Variants in EIF2A observed in about 807,000 individuals in gnomAD.
The protein encoded by EIF2A is eukaryotic translation initiation factor 2A.
In EIF2A, 62 loss-of-function variants were observed where a neutral mutation model predicts 75.2. The ratio of observed to expected loss-of-function variants is 0.82; its 90% CI spans 0.67 to 1.02. The LOEUF is 1.02. EIF2A is among the 50% of genes least tolerant of loss of function. The pLI, the probability that EIF2A is intolerant of heterozygous loss-of-function variation, is 0.00. For synonymous variants in EIF2A, 207 were observed against 239.0 expected (o/e 0.87, Z 1.23); for missense variants, 611 against 677.7 (o/e 0.90, Z 1.09).
chr3:150,548,681 A>G (rs775553858), intron 1 of EIF2A, among the ~76,000 whole-genome samples: 245 of 152,246 alleles, frequency 1.6e-3, no homozygotes, highest in Non-Finnish European at 2.9e-3. Context: ...TGTTTAGACT[A>G]TCCTTTTAAA....
rs562721762 is a variant in EIF2A, at chr3:150,567,784, T to C, written c.549+18T>C. 1.9e-6 allele frequency: 3 copies of C among 1,570,938 alleles called. No homozygotes were observed. In the East Asian group the frequency reaches 6.9e-5, roughly 36 times the overall value. On this transcript the variant is annotated intron_variant, in intron 7 of 13. Coordinates refer to ENST00000460851, the MANE Select transcript of EIF2A (RefSeq NM_032025.5). The stretch of plus-strand genomic sequence containing the variant: ...CATACAAGGTAATTGCTGTTTTTGT[T>C]TATGTGTAATATTATGTGTTTAAAC...
intron 6 of EIF2A, chr3:150,566,917 G>A (rs1433939413): frequency 1.3e-5 from 2 of 152,178 alleles, no homozygotes; most frequent in Non-Finnish European, 2.9e-5. Context: ...TGGCATGTAG[G>A]CTGATTTTGA....
chr3:150,559,819 A>C (rs1723755950), intron 3 of EIF2A, among the ~76,000 whole-genome samples: 1 of 152,122 alleles, frequency 6.6e-6, no homozygotes, highest in Non-Finnish European at 1.5e-5. Flanking sequence ...TCAAATCATT[A>C]ATAATATAAT....
intron 11 of EIF2A, among the ~76,000 whole-genome samples, chr3:150,579,585 T>C (rs1470036412): frequency 6.6e-6 from 1 of 151,816 alleles, no homozygotes; most frequent in Non-Finnish European, 1.5e-5. Flanking sequence ...AGCAGGTGCC[T>C]GTAACTGTAA....
At position 150,572,165 on chromosome 3, in the gene EIF2A, A is replaced by G. The variant is rs1244450729; in HGVS notation, c.1019A>G (p.Gln340Arg). The G allele has an allele frequency of 6.2e-7, 1 of 1,614,006 alleles. No individual in the cohort carries two copies. The highest frequency in any genetic ancestry group is 2.2e-5 in the East Asian group (1 of 44,888). The part of the protein sequence containing the change: ...VLAGFGNLRG[Q>R]MEVWDVKNYK... The stretch of plus-strand genomic sequence containing the variant: ...GCTGGATTTGGAAATCTGAGGGGAC[A>G]AATGGAAGTGTGGGATGTGAAAAAC... Residue 340 changes from glutamine to arginine, a missense_variant, in exon 10 of 14, where the codon CAA becomes CGA. Transcript: ENST00000460851.
In EIF2A at chr3:150,552,396, A is replaced by G. The variant is rs1177117190; in HGVS notation, c.69A>G (p.Pro23=). ...GACTGTACATGGTGAATGGACCACC[A>G]CATTTTACAGAAAGCACAGTGTTTC... ...SEGLYMVNGP[P]HFTESTVFPR... is the part of the protein sequence containing the mutation. The change falls in exon 2 of 14, where the codon CCA becomes CCG. Residue 23 remains proline (P), a synonymous_variant. Transcript: ENST00000460851. The G allele has an allele frequency of 1.0e-5, 16 of 1,553,468 alleles. No individual in the cohort carries two copies. Among genetic ancestry groups the G allele is most frequent in the Non-Finnish European group, 1.3e-5 (15 of 1,147,610 alleles).
intron 11 of EIF2A, among the ~76,000 whole-genome samples, chr3:150,580,774 C>A (rs191404027): frequency 6.6e-6 from 1 of 152,170 alleles, no homozygotes; most frequent in African/African-American, 2.4e-5. Context: ...TTAAACACAA[C>A]TACTGTTGAT....
chr3:150,572,780 C>T lies in EIF2A; in HGVS notation c.1383+251C>T, dbSNP rs772985727. Among the ~76,000 whole-genome samples, 77 of 145,476 alleles carry T rather than the reference C, an allele frequency of 5.3e-4. 1 individual carries two copies. The highest frequency in any genetic ancestry group is 1.1e-3 in the Admixed American group (15 of 14,000). Reference sequence around the variant, plus strand: ...CTGAGGCAGGAGACTCACTTGAACCCGGGAGGTGGAGGTTGCAGTGAGCCG... The same window carrying T: ...CTGAGGCAGGAGACTCACTTGAACCTGGGAGGTGGAGGTTGCAGTGAGCCG... On this transcript the variant is annotated intron_variant, in intron 10 of 13. Coordinates refer to ENST00000460851, the MANE Select transcript of EIF2A (RefSeq NM_032025.5).
At chr3:150,547,735 A>G (rs1273721746) in intron 1 of EIF2A, among the ~76,000 whole-genome samples, 1 of 152,198 alleles carries the variant, frequency 6.6e-6, no homozygotes, top group Non-Finnish European at 1.5e-5. Context: ...TTGCCAGTCT[A>G]CATTTCTATT....
At chr3:150,575,796 TAGTC>T (rs779011765) in intron 11 of EIF2A, 34 bp downstream of exon 11, 13 of 1,559,718 alleles carry the variant, frequency 8.3e-6, no homozygotes, top group African/African-American at 2.7e-5. Flanking sequence ...ACAAAACAAA[TAGTC>T]AGTTATGGCC....
Position 150,583,998 on chromosome 3 carries a change from G to T in EIF2A, c.*87G>T. The T allele has an allele frequency of 8.1e-7, 1 of 1,232,102 alleles. No homozygotes were observed. Among genetic ancestry groups the T allele is most frequent in the Non-Finnish European group, 1.2e-6 (1 of 866,508 alleles). The allele number at this position is 1,232,102 out of a possible 1,614,324, so 76.3% of individuals were successfully genotyped here. On this transcript the variant is annotated 3_prime_UTR_variant, in exon 14 of 14. Transcript: ENST00000460851. ...ATTGGTATACACAGAATATTCCTGT[G>T]CCCACACTTAATGTCAATCTATAAT... is the stretch of plus-strand genomic sequence containing the variant.
chr3:150,563,525 T>C lies in EIF2A; in HGVS notation c.303T>C (p.Asp101=). Residue 101 remains aspartate (D), a synonymous_variant, in exon 5 of 14, where the codon GAT becomes GAC. Transcript: ENST00000460851. The stretch of plus-strand genomic sequence containing the variant: ...GAAATTTTATTGCAGCTTCTAAAGA[T>C]GGCACAGCTGGGATACCCAACCTAC... ...ATWQPYTTSK[D]GTAGIPNLQL... The C allele has an allele frequency of 6.5e-7, 1 of 1,546,286 alleles. No homozygotes were observed. The highest frequency in any genetic ancestry group is 8.7e-7 in the Non-Finnish European group (1 of 1,145,742).
intron 9 of EIF2A, among the ~76,000 whole-genome samples, chr3:150,571,532 AG>A (rs1724520595): frequency 6.6e-6 from 1 of 152,178 alleles, no homozygotes; most frequent in African/African-American, 2.4e-5. Flanking sequence ...CCTTTAGCCC[AG>A]GAAGTCGAGG....
At chr3:150,546,906 C>T (rs1179565969) in intron 1 of EIF2A, 76 bp downstream of exon 1, 4 of 1,592,754 alleles carry the variant, frequency 2.5e-6, no homozygotes, top group Admixed American at 1.7e-5. Flanking sequence ...TGAGAACTAC[C>T]CGAGGAGCCG....
At chr3:150,548,348 C>T (rs1300160066) in intron 1 of EIF2A, among the ~76,000 whole-genome samples, 1 of 152,156 alleles carries the variant, frequency 6.6e-6, no homozygotes, top group Non-Finnish European at 1.5e-5. Flanking sequence ...TATTTTTGTA[C>T]CTGAAATATA....
chr3:150,571,536 A>C (rs1264224080), intron 9 of EIF2A, among the ~76,000 whole-genome samples: 1 of 152,166 alleles, frequency 6.6e-6, no homozygotes, highest in African/African-American at 2.4e-5. Context: ...TAGCCCAGGA[A>C]GTCGAGGCAG....
Position 150,585,620 on chromosome 3 carries a change from T to G in EIF2A, c.*1709T>G, listed in dbSNP as rs985660191. On this transcript the variant is annotated 3_prime_UTR_variant, in exon 14 of 14. Transcript: ENST00000460851. ...ATGTGTTTGTTTCTCTGGAAAACCC[T>G]GACTAATACAGATTAGCTATGTATT... 1 of 152,248 alleles carries G rather than the reference T, an allele frequency of 6.6e-6. No homozygotes were observed. Among genetic ancestry groups the G allele is most frequent in the Non-Finnish European group, 1.5e-5 (1 of 68,042 alleles). 9.4% of individuals were successfully genotyped at this position (152,248 alleles called of 1,614,324 possible). A position where few individuals can be genotyped will look rare whatever the true frequency, so the allele number is the denominator to read the frequency against.
intron 2 of EIF2A, 88 bp downstream of exon 2, chr3:150,552,513 G>A: frequency 5.5e-6 from 6 of 1,097,020 alleles, no homozygotes; most frequent in South Asian, 3.0e-5. Flanking sequence ...GAACAAGAAA[G>A]GAAAAGAACA....
intron 2 of EIF2A, 52 bp from the exon 3 acceptor site, chr3:150,558,336 T>G: frequency 7.2e-7 from 1 of 1,396,090 alleles, no homozygotes; most frequent in Non-Finnish European, 9.4e-7. Flanking sequence ...CAGATTTTTT[T>G]GAAAAGTATT....
Sources: allele counts gnomAD v4.1 joint callset (sites outside exome capture counted in the v4.1 genomes callset), GRCh38; gene constraint gnomAD v4.1.1; transcripts MANE v1.5; gene names NCBI Gene and HGNC (gene_info 2026-07-23, HGNC 2026-07-21).